Variants in CRPPA observed in about 807,000 individuals in gnomAD.
CRPPA encodes the protein D-ribitol-5-phosphate cytidylyltransferase.
A neutral mutation model predicts 52.0 loss-of-function variants in CRPPA; 43 were observed. The ratio of observed to expected loss-of-function variants is 0.83; its 90% CI spans 0.65 to 1.07. The LOEUF is 1.07. Among genes scored for constraint, CRPPA ranks in the 50% least tolerant of loss-of-function variants. The pLI is 0.00. For synonymous variants in CRPPA, 250 were observed against 203.5 expected, an observed-to-expected ratio of 1.23 and a Z score of -1.94; for missense variants, 629 against 551.7, an observed-to-expected ratio of 1.14 and a Z score of -1.40.
chr7:16,305,337 G>A (rs149475355), intron 4 of CRPPA, among the ~76,000 whole-genome samples: 35 of 152,202 alleles, frequency 2.3e-4, no homozygotes, highest in African/African-American at 6.3e-4. Context: ...CGCTTATAAC[G>A]TCTATCTGTA....
At position 16,406,149 on chromosome 7, in the gene CRPPA, G is replaced by A. The variant is rs369219851; in HGVS notation, c.446C>T (p.Pro149Leu). The change falls in exon 2 of 10, where the codon CCA becomes CTA. Residue 149 changes from proline to leucine, a missense_variant. By Grantham distance (98) the Pro-to-Leu change is moderately conservative. Transcript: ENST00000407010. Reference sequence around the variant, plus strand: ...AGCATCATGGATAATCACTACTTCTGGCTTAGAGAGTTTAGAGTTGATCTG... The same window carrying A: ...AGCATCATGGATAATCACTACTTCTAGCTTAGAGAGTTTAGAGTTGATCTG... ...EDQINSKLSK[P>L]EVVIIHDAVR... The A allele has an allele frequency of 6.2e-7, 1 of 1,613,876 alleles. No homozygotes were observed.
chr7:16,346,497 CAT>C (rs1399038721), intron 3 of CRPPA, among the ~76,000 whole-genome samples: 1 of 150,462 alleles, frequency 6.6e-6, no homozygotes, highest in Non-Finnish European at 1.5e-5. Flanking sequence ...CCATTCTGTT[CAT>C]GCAAGAAAGT....
At chr7:16,210,101 C>T (rs1169900863) in intron 9 of CRPPA, among the ~76,000 whole-genome samples, 1 of 152,184 alleles carries the variant, frequency 6.6e-6, no homozygotes, top group Non-Finnish European at 1.5e-5. Flanking sequence ...CCTATGCCCT[C>T]TTCCAGATAT....
At chr7:16,221,348 G>A (rs1350529346) in intron 8 of CRPPA, among the ~76,000 whole-genome samples, 6 of 152,234 alleles carry the variant, frequency 3.9e-5, no homozygotes, top group African/African-American at 1.4e-4. Flanking sequence ...AACCCTAGAA[G>A]AAAACCTAGG....
chr7:16,278,191 T>C lies in CRPPA; in HGVS notation c.871A>G (p.Thr291Ala). The C allele has an allele frequency of 1.3e-6, 2 of 1,580,240 alleles. No homozygotes were observed. The highest frequency in any genetic ancestry group is 1.7e-6 in the Non-Finnish European group (2 of 1,158,584). ...CCTACATGTTTGTTATCTTCTTCTG[T>C]ATCCATAACTACACAAATCTCTTGG... ...ISQEICVVMD[T>A]EEDNKHVGHL... The change falls in exon 6 of 10, where the codon ACA (threonine) becomes GCA (alanine). Residue 291 changes from threonine to alanine, a missense_variant. Thr to Ala is a moderately conservative substitution (Grantham distance 58, BLOSUM62 0). Coordinates refer to ENST00000407010, the MANE Select transcript of CRPPA (RefSeq NM_001101426.4).
At chr7:16,256,182 A>G (rs1783633843) in intron 8 of CRPPA, among the ~76,000 whole-genome samples, 2 of 152,228 alleles carry the variant, frequency 1.3e-5, no homozygotes, top group African/African-American at 4.8e-5. Flanking sequence ...GCCAAGAAAC[A>G]TGAAAACATG....
chr7:16,286,097 A>AAAAAAAAATAT lies in CRPPA; in HGVS notation c.836-7872_836-7871insATATTTTTTTT. Among the ~76,000 whole-genome samples the AAAAAAAAATAT allele has an allele frequency of 1.2e-3, 48 of 39,116 alleles. 5 individuals are homozygous for AAAAAAAAATAT. Among genetic ancestry groups the AAAAAAAAATAT allele is most frequent in the African/African-American group, 1.8e-3 (10 of 5,450 alleles). 25.7% of individuals were successfully genotyped at this position (39,116 alleles called of 152,430 possible). Reference sequence around the variant, plus strand: ...TATATATATAATATTTAAAAAAAAAAATATATATATATATATATATGCCAA... The same window carrying AAAAAAAAATAT: ...TATATATATAATATTTAAAAAAAAAAAAAAAAAATATATATATATATATATATATATGCCAA... On this transcript the variant is annotated intron_variant, in intron 5 of 9. Transcript: ENST00000407010.
chr7:16,322,098 A>G (rs1279479345), intron 3 of CRPPA, among the ~76,000 whole-genome samples: 2 of 152,128 alleles, frequency 1.3e-5, no homozygotes, highest in Admixed American at 6.5e-5. Context: ...ATTTTAAGTC[A>G]CTCAATTTTG....
intron 9 of CRPPA, among the ~76,000 whole-genome samples, chr7:16,176,297 C>T (rs1436166356): frequency 6.6e-6 from 1 of 152,110 alleles, no homozygotes; most frequent in Non-Finnish European, 1.5e-5. Context: ...AAACATTATG[C>T]GTCATTCTAC....
chr7:16,405,501 A>G (rs914291434), intron 2 of CRPPA, among the ~76,000 whole-genome samples: 3 of 152,132 alleles, frequency 2.0e-5, no homozygotes, highest in Non-Finnish European at 4.4e-5. Flanking sequence ...AGTATCTATT[A>G]CCATATTTAT....
intron 9 of CRPPA, among the ~76,000 whole-genome samples, chr7:16,200,277 C>G (rs1404628691): frequency 6.6e-6 from 1 of 152,210 alleles, no homozygotes; most frequent in Non-Finnish European, 1.5e-5. Context: ...GTTATGCTTA[C>G]ATACTAAGTG....
chr7:16,255,608 G>A (rs1296944583), intron 8 of CRPPA, among the ~76,000 whole-genome samples: 2 of 152,090 alleles, frequency 1.3e-5, no homozygotes, highest in African/African-American at 2.4e-5. Context: ...TAGACCAATG[G>A]AACAGAACAG....
Position 16,264,369 on chromosome 7 carries a change from A to G in CRPPA, c.934-5357T>C, listed in dbSNP as rs146340307. On this transcript the variant is annotated intron_variant, in intron 6 of 9. Transcript: ENST00000407010. ...AACTTCCAATGTGTTCAGTAAATTA[A>G]AGTACGACAACAAAAAATCAAACTT... 1.2e-3 allele frequency among the ~76,000 whole-genome samples: 190 copies of G among 152,328 alleles called. 1 individual carries two copies. The highest frequency in any genetic ancestry group is 4.4e-3 in the African/African-American group (182 of 41,588).
At chr7:16,379,241 G>A (rs905559270) in intron 2 of CRPPA, among the ~76,000 whole-genome samples, 6 of 152,102 alleles carry the variant, frequency 3.9e-5, no homozygotes, top group South Asian at 2.1e-4. Flanking sequence ...ATGGTTTTAG[G>A]TCTAACGTTT....
rs1445773155 is a variant in CRPPA, at chr7:16,134,413, G to A, written c.1252-42614C>T. 6.3e-5 allele frequency among the ~76,000 whole-genome samples: 4 copies of A among 63,544 alleles called. 1 individual carries two copies. In the East Asian group the frequency reaches 4.0e-3, roughly 63 times the overall value. 41.7% of individuals were successfully genotyped at this position (63,544 alleles called of 152,430 possible). A position where few individuals can be genotyped will look rare whatever the true frequency, so the allele number is the denominator to read the frequency against. ...ATCATCCTGAAACCATCCTCCCACC[G>A]ACCTCTGTCCATGGAAAAATTGTCT... On this transcript the variant is annotated intron_variant, in intron 9 of 9. Coordinates refer to ENST00000407010, the MANE Select transcript of CRPPA (RefSeq NM_001101426.4).
At chr7:16,220,773 C>T (rs1782477022) in intron 8 of CRPPA, among the ~76,000 whole-genome samples, 1 of 151,580 alleles carries the variant, frequency 6.6e-6, no homozygotes, top group African/African-American at 2.4e-5. Context: ...AACTACAAAC[C>T]ACTGCTCAGG....
At chr7:16,279,739 A>G (rs984619245) in intron 5 of CRPPA, among the ~76,000 whole-genome samples, 1 of 152,206 alleles carries the variant, frequency 6.6e-6, no homozygotes, top group Non-Finnish European at 1.5e-5. Context: ...AATCAAAATG[A>G]TAAGAAGGAA....
At chr7:16,302,295 CAAAAAAAAAAA>C (rs34666735) in intron 4 of CRPPA, among the ~76,000 whole-genome samples, 5 of 53,374 alleles carry the variant, frequency 9.4e-5, no homozygotes, top group Non-Finnish European at 1.3e-4. Flanking sequence ...GACTCTGTCT[CAAAAAAAAAAA>C]AAAAAAAAAA....
At chr7:16,402,138 G>A (rs1787832444) in intron 2 of CRPPA, among the ~76,000 whole-genome samples, 1 of 152,210 alleles carries the variant, frequency 6.6e-6, no homozygotes, top group African/African-American at 2.4e-5. Context: ...TGGGGCAGGG[G>A]AGGAGAGACA....
Sources: gnomAD v4.1 joint callset for allele counts (sites outside exome capture counted in the v4.1 genomes callset) on GRCh38, gnomAD v4.1.1 for gene constraint, MANE v1.5 for transcripts, NCBI Gene and HGNC (gene_info 2026-07-23, HGNC 2026-07-21) for gene names.